ENPEP: variants seen among roughly 807,000 people sequenced by gnomAD.
ENPEP encodes glutamyl aminopeptidase.
Under a neutral mutation model 114.5 loss-of-function variants are expected in ENPEP, and 103 were observed. That is an observed-to-expected ratio of 0.90 (90% CI 0.77 to 1.06). The LOEUF is 1.06. ENPEP is among the 50% of genes least tolerant of loss of function. ENPEP has a pLI of 0.00. For synonymous variants in ENPEP, 420 were observed against 422.0 expected (o/e 1.00, Z 0.06); for missense variants, 1,196 against 1,161.3 (o/e 1.03, Z -0.43).
intron 17 of ENPEP, among the ~76,000 whole-genome samples, chr4:110,552,737 T>A (rs1727337584): frequency 6.6e-6 from 1 of 152,174 alleles, no homozygotes; most frequent in Non-Finnish European, 1.5e-5. Context: ...TGGCATACAA[T>A]TAAACCTATC....
chr4:110,517,257 A>G (rs1264656006), intron 8 of ENPEP, among the ~76,000 whole-genome samples: 1 of 152,130 alleles, frequency 6.6e-6, no homozygotes, highest in East Asian at 1.9e-4. Flanking sequence ...AGCATCTTTA[A>G]TCAGGGACTC....
chr4:110,558,130 G>A (rs1727548925), intron 18 of ENPEP, among the ~76,000 whole-genome samples: 1 of 141,420 alleles, frequency 7.1e-6, no homozygotes, highest in Non-Finnish European at 1.5e-5. Context: ...CAAGTCACAG[G>A]GATTACAAGG....
At position 110,549,600 on chromosome 4, in the gene ENPEP, G is replaced by C. The variant is rs375230746; in HGVS notation, c.2298G>C (p.Ser766=). 1 of 1,613,576 alleles carries C rather than the reference G, an allele frequency of 6.2e-7. No homozygotes were observed. The highest frequency in any genetic ancestry group is 1.3e-5 in the African/African-American group (1 of 75,004). ...GAGAAGCCTTGAACAATGCTTCCTC[G>C]TTATTTGAGCAGTGGCTAAATGGGA... ...GDREALNNAS[S]LFEQWLNGTV... The change falls in exon 16 of 20, where the codon TCG becomes TCC. Residue 766 remains serine, a synonymous_variant. Coordinates refer to ENST00000265162, the MANE Select transcript of ENPEP (RefSeq NM_001977.4).
At chr4:110,511,034 A>G (rs902905980) in intron 6 of ENPEP, among the ~76,000 whole-genome samples, 10 of 152,182 alleles carry the variant, frequency 6.6e-5, no homozygotes, top group Non-Finnish European at 1.3e-4. Flanking sequence ...AAAGCTAGGT[A>G]TAGTTGTTAT....
intron 1 of ENPEP, among the ~76,000 whole-genome samples, chr4:110,480,876 G>C (rs1263158533): frequency 6.6e-6 from 1 of 152,122 alleles, no homozygotes; most frequent in Non-Finnish European, 1.5e-5. Flanking sequence ...CTATTCTTCA[G>C]GGTCTGAGGA....
At chr4:110,544,522 T>C (rs1019979023) in intron 13 of ENPEP, among the ~76,000 whole-genome samples, 2 of 152,150 alleles carry the variant, frequency 1.3e-5, no homozygotes, top group Non-Finnish European at 2.9e-5. Flanking sequence ...ACTCATTTAA[T>C]AAATAAACAT....
At chr4:110,488,761 G>A (rs1724597077) in intron 2 of ENPEP, 79 bp downstream of exon 2, 1 of 1,513,196 alleles carries the variant, frequency 6.6e-7, no homozygotes, top group Non-Finnish European at 8.8e-7. Flanking sequence ...TTCTGTGAAA[G>A]AGAACCCATT....
At chr4:110,529,527 G>C (rs1257985588) in intron 10 of ENPEP, among the ~76,000 whole-genome samples, 1 of 152,182 alleles carries the variant, frequency 6.6e-6, no homozygotes, top group Non-Finnish European at 1.5e-5. Context: ...GTCCTGAAGA[G>C]AGTAACTTTG....
intron 1 of ENPEP, among the ~76,000 whole-genome samples, chr4:110,488,083 C>T (rs752477335): frequency 7.2e-5 from 11 of 152,174 alleles, no homozygotes; most frequent in Admixed American, 1.3e-4. Flanking sequence ...GGAATAACCT[C>T]CACTCTGTGA....
intron 4 of ENPEP, among the ~76,000 whole-genome samples, chr4:110,509,182 G>C (rs1328941253): frequency 6.6e-6 from 1 of 152,034 alleles, no homozygotes; most frequent in Non-Finnish European, 1.5e-5. Flanking sequence ...CTATTAGATT[G>C]GTATTTCTAT....
intron 14 of ENPEP, among the ~76,000 whole-genome samples, chr4:110,548,628 A>G (rs1727168858): frequency 6.6e-6 from 1 of 152,110 alleles, no homozygotes; most frequent in Admixed American, 6.6e-5. Flanking sequence ...ATAAATACTA[A>G]TTAGATCTTT....
intron 3 of ENPEP, among the ~76,000 whole-genome samples, chr4:110,503,536 C>A (rs1034555661): frequency 6.6e-6 from 1 of 152,144 alleles, no homozygotes; most frequent in African/African-American, 2.4e-5. Flanking sequence ...ATTCTGAATT[C>A]TATTGCTATC....
intron 6 of ENPEP, 85 bp from the exon 7 acceptor site, chr4:110,513,330 C>T: frequency 7.1e-7 from 1 of 1,417,422 alleles, no homozygotes; most frequent in Non-Finnish European, 9.4e-7. Flanking sequence ...TTATTTTCCT[C>T]CAATTTTTCT....
chr4:110,489,113 A>G (rs530380145), intron 2 of ENPEP, among the ~76,000 whole-genome samples: 1 of 152,314 alleles, frequency 6.6e-6, no homozygotes, highest in African/African-American at 2.4e-5. Flanking sequence ...ATTTAAAAAA[A>G]TCATCACTTA....
chr4:110,547,337 T>C (rs922708070), intron 13 of ENPEP, among the ~76,000 whole-genome samples: 1 of 152,132 alleles, frequency 6.6e-6, no homozygotes, highest in Non-Finnish European at 1.5e-5. Context: ...CAATCAAGTC[T>C]GGCCTTCAGA....
chr4:110,516,227 A>C (rs17041855), intron 8 of ENPEP, among the ~76,000 whole-genome samples: 2,674 of 152,334 alleles, frequency 0.018, 69 homozygotes, highest in African/African-American at 0.06. Flanking sequence ...TTGGTAACAG[A>C]AATGACAATA....
At chr4:110,487,165 T>C (rs1023437148) in intron 1 of ENPEP, among the ~76,000 whole-genome samples, 13 of 152,302 alleles carry the variant, frequency 8.5e-5, no homozygotes, top group Middle Eastern at 6.8e-3. Context: ...TTTGTGGAGG[T>C]TGAGACTCTT....
At chr4:110,527,062 G>A (rs781724152) in intron 10 of ENPEP, among the ~76,000 whole-genome samples, 1 of 152,098 alleles carries the variant, frequency 6.6e-6, no homozygotes, top group Non-Finnish European at 1.5e-5. Flanking sequence ...GGGTAACAGA[G>A]CCTGTTTCCT....
chr4:110,558,032 ATT>A (rs201439917), intron 18 of ENPEP, among the ~76,000 whole-genome samples: 2 of 103,208 alleles, frequency 1.9e-5, no homozygotes, highest in African/African-American at 8.6e-5. Flanking sequence ...ATATGGTAGG[ATT>A]TTTTTTTTTT....
Sources: gnomAD v4.1 joint callset for allele counts (sites outside exome capture counted in the v4.1 genomes callset) on GRCh38, gnomAD v4.1.1 for gene constraint, MANE v1.5 for transcripts, NCBI Gene and HGNC (gene_info 2026-07-23, HGNC 2026-07-21) for gene names.